The following EPHA6 variants were observed in gnomAD, a reference collection of about 807,000 sequenced individuals.
The protein encoded by EPHA6 is ephrin type-A receptor 6.
A neutral mutation model predicts 112.0 loss-of-function variants in EPHA6; 50 were observed. That is an observed-to-expected ratio of 0.45 (90% CI 0.36 to 0.56). The LOEUF is 0.56. Among genes scored for constraint, EPHA6 ranks in the 20% least tolerant of loss-of-function variants. The probability of loss-of-function intolerance (pLI) is 0.00; values close to 1 mark genes in which losing one functional copy is unlikely to be tolerated. For missense variants in EPHA6, 1,280 were observed against 1,417.4 expected (o/e 0.90, Z 1.56); for synonymous variants, 529 against 490.7 (o/e 1.08, Z -1.03).
chr3:96,919,840 G>A (rs2039672343), intron 2 of EPHA6, among the ~76,000 whole-genome samples: 1 of 151,742 alleles, frequency 6.6e-6, no homozygotes, highest in African/African-American at 2.4e-5. Flanking sequence ...TTTACAGGAG[G>A]AGAAAAGGAG....
intron 3 of EPHA6, among the ~76,000 whole-genome samples, chr3:97,171,817 A>G (rs1428413034): frequency 6.6e-6 from 1 of 152,084 alleles, no homozygotes; most frequent in African/African-American, 2.4e-5. Context: ...AACAGGAATC[A>G]CCAAGAGCCA....
At chr3:97,645,357 C>T (rs1482179543) in intron 14 of EPHA6, among the ~76,000 whole-genome samples, 2 of 145,180 alleles carry the variant, frequency 1.4e-5, no homozygotes, top group African/African-American at 2.6e-5. Flanking sequence ...GAGTTCATGT[C>T]CTTTGTAGGG....
chr3:97,458,769 G>A (rs893078335), intron 7 of EPHA6, among the ~76,000 whole-genome samples: 10 of 152,096 alleles, frequency 6.6e-5, no homozygotes, highest in African/African-American at 2.4e-4. Context: ...AGAGGAAGCA[G>A]TAAAAGCTAA....
chr3:97,587,689 C>T (rs758507735), intron 11 of EPHA6, among the ~76,000 whole-genome samples: 1 of 152,042 alleles, frequency 6.6e-6, no homozygotes, highest in Non-Finnish European at 1.5e-5. Context: ...TTTTTAGATA[C>T]CATCCTTATT....
At chr3:97,726,498 G>T (rs1272239894) in intron 15 of EPHA6, among the ~76,000 whole-genome samples, 1 of 151,936 alleles carries the variant, frequency 6.6e-6, no homozygotes, top group Non-Finnish European at 1.5e-5. Context: ...GTACCATACC[G>T]TTACTATATT....
chr3:97,288,625 T>C (rs1241601570), intron 5 of EPHA6, among the ~76,000 whole-genome samples: 10 of 152,186 alleles, frequency 6.6e-5, no homozygotes, highest in Admixed American at 6.5e-4. Context: ...CAGATGGTAG[T>C]TCTAAGTTCT....
chr3:96,823,854 A>G (rs538555482), intron 1 of EPHA6, among the ~76,000 whole-genome samples: 29 of 151,978 alleles, frequency 1.9e-4, no homozygotes, highest in Admixed American at 3.9e-4. Flanking sequence ...CTTCATTTTC[A>G]TCTGAAAAAG....
chr3:97,397,596 C>A (rs1454889752), intron 5 of EPHA6, among the ~76,000 whole-genome samples: 1 of 151,392 alleles, frequency 6.6e-6, no homozygotes, highest in Non-Finnish European at 1.5e-5. Flanking sequence ...AAAGTGTGTG[C>A]TTAATATATA....
chr3:96,895,981 G>A (rs2038249182), intron 2 of EPHA6, among the ~76,000 whole-genome samples: 1 of 152,164 alleles, frequency 6.6e-6, no homozygotes, highest in Admixed American at 6.5e-5. Context: ...TGTAGCCTAT[G>A]TGTGAAGTAG....
intron 5 of EPHA6, among the ~76,000 whole-genome samples, chr3:97,302,091 T>C (rs560978387): frequency 4.3e-4 from 65 of 152,182 alleles, no homozygotes; most frequent in Middle Eastern, 3.4e-3. Flanking sequence ...TTCATGTTTA[T>C]GTTGAAATTT....
intron 3 of EPHA6, among the ~76,000 whole-genome samples, chr3:97,139,508 T>G (rs568698625): frequency 6.6e-6 from 1 of 152,060 alleles, no homozygotes; most frequent in South Asian, 2.1e-4. Context: ...CTGCACACAC[T>G]CACAGTACAC....
chr3:96,933,632 T>C (rs1473693385), intron 2 of EPHA6, among the ~76,000 whole-genome samples: 1 of 152,136 alleles, frequency 6.6e-6, no homozygotes, highest in Non-Finnish European at 1.5e-5. Flanking sequence ...TAAGAAAGAT[T>C]CATGATCAAA....
At position 97,148,025 on chromosome 3, in the gene EPHA6, A is replaced by G. The variant is rs376546372; in HGVS notation, c.1115-78239A>G. On this transcript the variant is annotated intron_variant, in intron 3 of 17. Transcript: ENST00000389672. Reference sequence around the variant, plus strand: ...ACTCTAATCTTTGCATATTTTTTGTATATCTAAAATTATTCAAATCTAAAG... The same window carrying G: ...ACTCTAATCTTTGCATATTTTTTGTGTATCTAAAATTATTCAAATCTAAAG... 3.9e-5 allele frequency among the ~76,000 whole-genome samples: 6 copies of G among 152,230 alleles called. No homozygotes were observed. The South Asian group carries it at 6.2e-4, about 16-fold the overall frequency.
At chr3:96,946,214 T>G (rs910161819) in intron 2 of EPHA6, among the ~76,000 whole-genome samples, 3 of 152,116 alleles carry the variant, frequency 2.0e-5, no homozygotes, top group Admixed American at 6.6e-5. Context: ...AGGGTACATG[T>G]GCACAACATG....
At chr3:97,164,814 C>T (rs1247812528) in intron 3 of EPHA6, among the ~76,000 whole-genome samples, 1 of 152,048 alleles carries the variant, frequency 6.6e-6, no homozygotes, top group African/African-American at 2.4e-5. Context: ...ATGTCACTTA[C>T]TTATCTTTAT....
intron 5 of EPHA6, among the ~76,000 whole-genome samples, chr3:97,338,874 A>T (rs748788489): frequency 6.6e-6 from 1 of 152,128 alleles, no homozygotes; most frequent in Non-Finnish European, 1.5e-5. Flanking sequence ...TTCCCACAGA[A>T]AACAGGACTT....
chr3:96,841,125 A>C (rs1394361112), intron 1 of EPHA6, among the ~76,000 whole-genome samples: 1 of 152,078 alleles, frequency 6.6e-6, no homozygotes, highest in East Asian at 1.9e-4. Flanking sequence ...TAAGATGTAC[A>C]TTGGCTCAGT....
intron 5 of EPHA6, among the ~76,000 whole-genome samples, chr3:97,399,724 A>G (rs1405747652): frequency 6.6e-6 from 1 of 151,678 alleles, no homozygotes; most frequent in African/African-American, 2.4e-5. Context: ...AGTTATTTGT[A>G]TGTCTTCTTT....
intron 6 of EPHA6, among the ~76,000 whole-genome samples, chr3:97,444,609 C>T (rs1275317035): frequency 6.6e-6 from 1 of 152,032 alleles, no homozygotes; most frequent in East Asian, 1.9e-4. Context: ...TGCCAGGGTA[C>T]ATAATAGAAG....
Sources: gnomAD v4.1 joint callset for allele counts (sites outside exome capture counted in the v4.1 genomes callset) on GRCh38, gnomAD v4.1.1 for gene constraint, MANE v1.5 for transcripts, NCBI Gene and HGNC (gene_info 2026-07-23, HGNC 2026-07-21) for gene names.